Variants in PLCE1 observed in about 807,000 individuals in gnomAD.
The protein encoded by PLCE1 is 1-phosphatidylinositol 4,5-bisphosphate phosphodiesterase epsilon-1.
Under a neutral mutation model 242.8 loss-of-function variants are expected in PLCE1, and 119 were observed. The ratio of observed to expected loss-of-function variants is 0.49; its 90% confidence interval spans 0.42 to 0.57. PLCE1 has a LOEUF of 0.57. Ranked by LOEUF, PLCE1 falls within the 20% of genes least tolerant of loss-of-function variation. The probability of loss-of-function intolerance (pLI) is 0.00; values close to 1 mark genes in which losing one functional copy is unlikely to be tolerated. For missense variants in PLCE1, 2,441 were observed against 2,788.8 expected, an observed-to-expected ratio of 0.88 and a Z score of 2.81; for synonymous variants, 945 against 1,017.4, an observed-to-expected ratio of 0.93 and a Z score of 1.35.
intron 2 of PLCE1, among the ~76,000 whole-genome samples, chr10:94,085,557 G>T (rs1386827251): frequency 6.6e-6 from 1 of 152,198 alleles, no homozygotes; most frequent in East Asian, 1.9e-4. Context: ...CTGGGCTGCA[G>T]GGTGTTCCAC....
chr10:94,219,769 A>G (rs7914268), intron 4 of PLCE1, among the ~76,000 whole-genome samples: 100,487 of 152,052 alleles, frequency 0.66, 33,564 homozygotes, highest in East Asian at 0.93. Flanking sequence ...GATAAGTGGC[A>G]GGTAACAGTA....
rs577187940 is a variant in PLCE1 at position 94,254,203 on chromosome 10, A to C, written c.3293A>C (p.Glu1098Ala). The part of the protein sequence containing the change: ...KKILMRGESG[E>A]VTDDEMATRK... ...TTGTGTTCCCAGGGTGAGAGTGGAG[A>C]GGTAACTGACGATGAGATGGCAACC... Residue 1098 changes from glutamate (E) to alanine (A), a missense_variant, in exon 10 of 33, where the codon GAG (glutamate) becomes GCG (alanine). Glu to Ala is a moderately radical substitution (Grantham distance 107). This residue lies in a region of PLCE1 where 1,004 missense variants were observed against 1,322.7 expected (regional missense o/e 0.76). Transcript: ENST00000371380. 1 of 1,612,830 alleles carries C rather than the reference A, an allele frequency of 6.2e-7. No individual in the cohort carries two copies. The highest frequency in any genetic ancestry group is 1.1e-5 in the South Asian group (1 of 91,050).
At chr10:94,270,200 A>G (rs2051676138) in intron 17 of PLCE1, among the ~76,000 whole-genome samples, 1 of 152,210 alleles carries the variant, frequency 6.6e-6, no homozygotes, top group Non-Finnish European at 1.5e-5. Context: ...TTTACCTGCA[A>G]TATACTCTAT....
intron 3 of PLCE1, among the ~76,000 whole-genome samples, chr10:94,135,646 C>A (rs568151983): frequency 4.6e-5 from 7 of 152,230 alleles, no homozygotes; most frequent in Non-Finnish European, 8.8e-5. Context: ...ACCTCTGTAA[C>A]CCATAACACA....
At chr10:94,318,244 T>TAATC (rs997242385) in intron 29 of PLCE1, among the ~76,000 whole-genome samples, 1 of 152,210 alleles carries the variant, frequency 6.6e-6, no homozygotes, top group African/African-American at 2.4e-5. Context: ...ACCCTAATAA[T>TAATC]AATCACTTTA....
intron 3 of PLCE1, among the ~76,000 whole-genome samples, chr10:94,153,421 C>T (rs2047333830): frequency 6.6e-6 from 1 of 152,038 alleles, no homozygotes; most frequent in Non-Finnish European, 1.5e-5. Context: ...GGAACTTCCC[C>T]AACCTGATAA....
intron 27 of PLCE1, among the ~76,000 whole-genome samples, chr10:94,312,980 GAACT>G (rs1266001781): frequency 2.6e-5 from 4 of 151,630 alleles, no homozygotes; most frequent in Admixed American, 1.3e-4. Flanking sequence ...TAATGAGTAA[GAACT>G]AACATACATT....
chr10:94,274,278 C>T (rs113775636), intron 19 of PLCE1, among the ~76,000 whole-genome samples: 14 of 152,268 alleles, frequency 9.2e-5, no homozygotes, highest in African/African-American at 3.1e-4. Flanking sequence ...CAGTCTGCAC[C>T]TACTTATCCC....
chr10:94,122,230 T>C (rs1057028408), intron 2 of PLCE1, among the ~76,000 whole-genome samples: 33 of 152,344 alleles, frequency 2.2e-4, no homozygotes, highest in African/African-American at 7.9e-4. Context: ...TTTGTCCCCA[T>C]GTAATTCATT....
chr10:94,216,772 T>G (rs2049543865), intron 4 of PLCE1, among the ~76,000 whole-genome samples: 1 of 151,974 alleles, frequency 6.6e-6, no homozygotes, highest in African/African-American at 2.4e-5. Flanking sequence ...CAATGCCACA[T>G]TCTCTGTGAC....
At chr10:94,218,757 CT>C (rs1329079764) in intron 4 of PLCE1, among the ~76,000 whole-genome samples, 1 of 151,542 alleles carries the variant, frequency 6.6e-6, no homozygotes. Context: ...AAATAAAGTG[CT>C]TTGGGAGGGC....
chr10:94,213,669 G>A (rs1370576040), intron 4 of PLCE1, among the ~76,000 whole-genome samples: 6 of 152,094 alleles, frequency 3.9e-5, no homozygotes, highest in Non-Finnish European at 7.4e-5. Context: ...AGAAATGAAG[G>A]ATCATTCTTT....
rs549799128 is a variant in PLCE1 at position 94,170,260 on chromosome 10, G to A, written c.1493-920G>A. On this transcript the variant is annotated intron_variant, in intron 3 of 32. Transcript: ENST00000371380. ...AGGTGACCACAAAACTGTTTTTCTT[G>A]TAAATGCCAGTATTCCAGAGATCAT... 2.6e-5 allele frequency among the ~76,000 whole-genome samples: 4 copies of A among 152,038 alleles called. No homozygotes were observed. In the South Asian group the frequency reaches 8.3e-4, roughly 32 times the overall value.
rs114354410 is a variant in PLCE1 at position 94,009,162 on chromosome 10, G to A, written c.-365+14904G>A. On this transcript the variant is annotated intron_variant, in intron 1 of 32. Transcript: ENST00000371380. The stretch of plus-strand genomic sequence containing the variant: ...CATGGTACTGGCATGTGCTTCTGGG[G>A]AGGGCCTCAGGAAGCTTACAATTAT... 7.5e-3 allele frequency among the ~76,000 whole-genome samples: 1,137 copies of A among 152,278 alleles called. 13 individuals are homozygous for A. Among genetic ancestry groups the A allele is most frequent in the African/African-American group, 0.026 (1,078 of 41,542 alleles).
At chr10:94,114,760 C>CT (rs35602455) in intron 2 of PLCE1, among the ~76,000 whole-genome samples, 28 of 148,028 alleles carry the variant, frequency 1.9e-4, no homozygotes, top group East Asian at 1.2e-3. Flanking sequence ...TTGCACAGTT[C>CT]TTTTTTTTTT....
chr10:94,066,667 G>A (rs1397692266), intron 2 of PLCE1, among the ~76,000 whole-genome samples: 1 of 151,970 alleles, frequency 6.6e-6, no homozygotes, highest in Non-Finnish European at 1.5e-5. Flanking sequence ...AACATCCTGG[G>A]CCCCTTGTCT....
chr10:94,246,979 G>A (rs1168054689), intron 8 of PLCE1, among the ~76,000 whole-genome samples: 1 of 152,074 alleles, frequency 6.6e-6, no homozygotes, highest in African/African-American at 2.4e-5. Context: ...GGGCATGGTG[G>A]CACATGCCTG....
At chr10:94,155,088 GC>G (rs2136151568) in intron 3 of PLCE1, among the ~76,000 whole-genome samples, 1 of 151,960 alleles carries the variant, frequency 6.6e-6, no homozygotes, top group East Asian at 1.9e-4. Flanking sequence ...TCCTCCAGAT[GC>G]TAAACATAGG....
chr10:94,048,224 C>G (rs767738661), intron 2 of PLCE1, among the ~76,000 whole-genome samples: 16 of 152,042 alleles, frequency 1.1e-4, no homozygotes, highest in Non-Finnish European at 2.2e-4. Flanking sequence ...TTAAACAATC[C>G]ATCCATGAAT....
Sources: gnomAD v4.1 joint callset for allele counts (sites outside exome capture counted in the v4.1 genomes callset) on GRCh38, gnomAD v4.1.1 for gene constraint, gnomAD v4.1.1 regional missense constraint, MANE v1.5 for transcripts, NCBI Gene and HGNC (gene_info 2026-07-23, HGNC 2026-07-21) for gene names.